Variants in CNR2 observed in about 807,000 individuals in gnomAD.
CNR2 encodes cannabinoid receptor 2 (macrophage).
For synonymous variants in CNR2, 172 were observed against 182.2 expected, an observed-to-expected ratio of 0.94 and a Z score of 0.45; for missense variants, 379 against 439.9, an observed-to-expected ratio of 0.86 and a Z score of 1.24.
chr1:23,885,178 T>A (rs1640065195), intron 1 of CNR2, among the ~76,000 whole-genome samples: 1 of 151,346 alleles, frequency 6.6e-6, no homozygotes, highest in African/African-American at 2.4e-5. Flanking sequence ...AATGGGAGGA[T>A]CCCTTGAGCC....
At chr1:23,907,061 A>G (rs537726228) in intron 1 of CNR2, 1 of 151,972 alleles carries the variant, frequency 6.6e-6, no homozygotes, top group Non-Finnish European at 1.5e-5. Flanking sequence ...TTTCTCTAAT[A>G]TGCCATATAA....
At chr1:23,904,314 C>T (rs1350353814) in intron 1 of CNR2, among the ~76,000 whole-genome samples, 1 of 151,570 alleles carries the variant, frequency 6.6e-6, no homozygotes, top group East Asian at 1.9e-4. Flanking sequence ...CTTGGGATTA[C>T]AGGCGCCTGC....
intron 1 of CNR2, among the ~76,000 whole-genome samples, chr1:23,885,041 C>T (rs1018143632): frequency 6.6e-6 from 1 of 152,048 alleles, no homozygotes; most frequent in South Asian, 2.1e-4. Context: ...ACCTCGTGAT[C>T]CACCCACCTC....
intron 1 of CNR2, among the ~76,000 whole-genome samples, chr1:23,880,078 C>T (rs548998944): frequency 2.0e-5 from 3 of 152,234 alleles, no homozygotes; most frequent in South Asian, 4.1e-4. Flanking sequence ...TCAACATTTA[C>T]TTGGCTTGCT....
intron 1 of CNR2, chr1:23,901,690 G>T (rs1312636860): frequency 1.2e-5 from 17 of 1,434,008 alleles, no homozygotes; most frequent in Non-Finnish European, 1.5e-5. Context: ...AGACCGGGAA[G>T]GTGTTACTGG....
At chr1:23,897,499 G>A (rs901672585) in intron 1 of CNR2, among the ~76,000 whole-genome samples, 2 of 146,662 alleles carry the variant, frequency 1.4e-5, no homozygotes, top group Admixed American at 6.8e-5. Flanking sequence ...TTTTGAGACC[G>A]AGTCTCAGTC....
chr1:23,912,217 A>C (rs927716692), intron 1 of CNR2, among the ~76,000 whole-genome samples: 32 of 152,228 alleles, frequency 2.1e-4, no homozygotes, highest in African/African-American at 7.7e-4. Flanking sequence ...GCTGGGATTC[A>C]GACCTGGACG....
Position 23,873,949 on chromosome 1 carries a change from A to T in CNR2, c.*586T>A, listed in dbSNP as rs200302865. The T allele has an allele frequency of 6.5e-6, 1 of 152,900 alleles. No individual in the cohort carries two copies. The highest frequency in any genetic ancestry group is 1.5e-5 in the Non-Finnish European group (1 of 68,488). 9.5% of individuals were successfully genotyped at this position (152,900 alleles called of 1,614,324 possible). A position where few individuals can be genotyped will look rare whatever the true frequency, so the allele number is the denominator to read the frequency against. On this transcript the variant is annotated 3_prime_UTR_variant, in exon 2 of 2. Transcript: ENST00000374472. ...AGAATATCAGAGAGGGTCCTCGCCC[A>T]AACAACAGGATGCCCCAAACTGAAG...
At chr1:23,875,909 C>T (rs1418283683) in intron 1 of CNR2, among the ~76,000 whole-genome samples, 1 of 151,980 alleles carries the variant, frequency 6.6e-6, no homozygotes, top group South Asian at 2.1e-4. Flanking sequence ...GATTTTTGGC[C>T]TTCCATTTTC....
intron 1 of CNR2, among the ~76,000 whole-genome samples, chr1:23,888,594 C>T (rs1570710433): frequency 6.6e-6 from 1 of 152,260 alleles, no homozygotes; most frequent in Admixed American, 6.5e-5. Flanking sequence ...CATGCAAAAA[C>T]ATTTTGTGAC....
chr1:23,910,704 CA>C (rs1204234504), intron 1 of CNR2, among the ~76,000 whole-genome samples: 3 of 89,306 alleles, frequency 3.4e-5, no homozygotes, highest in East Asian at 3.1e-4. Flanking sequence ...GAAAACAAAA[CA>C]AAAAAACAAA....
chr1:23,894,827 C>G (rs1202910594), intron 1 of CNR2, among the ~76,000 whole-genome samples: 3 of 151,910 alleles, frequency 2.0e-5, no homozygotes, highest in Non-Finnish European at 4.4e-5. Flanking sequence ...AATCCACTCT[C>G]TTGTCCATTT....
chr1:23,886,774 T>C (rs886182524), intron 1 of CNR2, among the ~76,000 whole-genome samples: 6 of 152,212 alleles, frequency 3.9e-5, no homozygotes, highest in African/African-American at 1.4e-4. Flanking sequence ...TCACCCAACA[T>C]ATGAGCAGCA....
At chr1:23,912,652 G>A (rs990673027) in intron 1 of CNR2, among the ~76,000 whole-genome samples, 5 of 152,216 alleles carry the variant, frequency 3.3e-5, no homozygotes, top group Non-Finnish European at 4.4e-5. Context: ...TTAGGGCAGC[G>A]CCTGGCACAC....
In CNR2 at chr1:23,871,370, T is replaced by G. The variant is rs1439313614; in HGVS notation, c.*3165A>C. The G allele has an allele frequency of 6.6e-6, 1 of 152,200 alleles. No individual in the cohort carries two copies. The highest frequency in any genetic ancestry group is 1.5e-5 in the Non-Finnish European group (1 of 68,042). The allele number at this position is 152,200 out of a possible 1,614,324, so 9.4% of individuals were successfully genotyped here. On this transcript the variant is annotated 3_prime_UTR_variant, in exon 2 of 2. Coordinates refer to ENST00000374472, the MANE Select transcript of CNR2 (RefSeq NM_001841.3). ...ACCGATGAATAAAGAAAGGCATGCT[T>G]CAACTTTAAGGAATGACAGTATATA...
intron 1 of CNR2, among the ~76,000 whole-genome samples, chr1:23,903,145 T>G (rs1640432396): frequency 1.3e-5 from 2 of 150,220 alleles, no homozygotes; most frequent in African/African-American, 4.9e-5. Context: ...CCCCCGCCCC[T>G]GCGATCCTGC....
intron 1 of CNR2, among the ~76,000 whole-genome samples, chr1:23,904,175 A>ATTTTTTTTT (rs1557534814): frequency 7.1e-6 from 1 of 140,316 alleles, no homozygotes; most frequent in Non-Finnish European, 1.5e-5. Flanking sequence ...TGTTCGTTTC[A>ATTTTTTTTT]TTGTTTTTTT....
intron 1 of CNR2, among the ~76,000 whole-genome samples, chr1:23,906,863 G>C (rs566800712): frequency 1.3e-5 from 2 of 150,046 alleles, no homozygotes; most frequent in African/African-American, 4.9e-5. Flanking sequence ...CTGCACTCCA[G>C]CCTGGGTGAC....
chr1:23,902,683 C>A, intron 1 of CNR2: 2 of 1,593,858 alleles, frequency 1.3e-6, no homozygotes, highest in Non-Finnish European at 1.7e-6. Flanking sequence ...ACAAAGTGCA[C>A]GTCGGCCACG....
Sources: allele counts gnomAD v4.1 joint callset (sites outside exome capture counted in the v4.1 genomes callset), GRCh38; gene constraint gnomAD v4.1.1; transcripts MANE v1.5; gene names NCBI Gene and HGNC (gene_info 2026-07-23, HGNC 2026-07-21).